Variants in ANOS1 observed in about 807,000 individuals in gnomAD.
The protein encoded by ANOS1 is anosmin 1, also known as anosmin-1.
In ANOS1, 6 loss-of-function variants were observed where a neutral mutation model predicts 59.0. The observed-to-expected ratio is 0.10, with a 90% CI of 0.06 to 0.20. The LOEUF is 0.20. Ranked by LOEUF, ANOS1 falls within the 10% of genes least tolerant of loss-of-function variation. ANOS1 has a pLI of 1.00. For missense variants in ANOS1, 433 were observed against 542.3 expected (o/e 0.80, Z 2.00); for synonymous variants, 217 against 223.4 (o/e 0.97, Z 0.25).
intron 2 of ANOS1, among the ~76,000 whole-genome samples, chrX:8,645,373 T>A (rs745469164): frequency 3.6e-5 from 4 of 111,842 alleles, no homozygotes; most frequent in Non-Finnish European, 7.5e-5. Context: ...GATTCTCAAC[T>A]TCACCTTTCT....
chrX:8,668,076 T>C (rs1932183327), intron 2 of ANOS1, among the ~76,000 whole-genome samples: 1 of 109,627 alleles, frequency 9.1e-6, no homozygotes, highest in South Asian at 4.0e-4. Context: ...CAGGTGGTAT[T>C]TGGTTACATG....
chrX:8,565,678 G>A (rs1288053390), intron 8 of ANOS1: 1 of 112,349 alleles, frequency 8.9e-6, no homozygotes, highest in Non-Finnish European at 1.9e-5. Context: ...AATTTCTGGA[G>A]AGAAAAAACA....
chrX:8,677,339 T>C (rs149911599), intron 2 of ANOS1, among the ~76,000 whole-genome samples: 1 of 111,964 alleles, frequency 8.9e-6, no homozygotes, highest in Non-Finnish European at 1.9e-5. Context: ...TCACCTCTGG[T>C]TGAAAACCAC....
chrX:8,577,669 T>G (rs1172275517), intron 6 of ANOS1, among the ~76,000 whole-genome samples: 1 of 112,369 alleles, frequency 8.9e-6, no homozygotes, highest in African/African-American at 3.2e-5. Flanking sequence ...GATGGAACAT[T>G]TGGATTTCAG....
intron 6 of ANOS1, among the ~76,000 whole-genome samples, chrX:8,571,329 T>C (rs892764825): frequency 5.4e-5 from 6 of 110,965 alleles, no homozygotes; most frequent in African/African-American, 2.0e-4. Context: ...TTTAGTAAAA[T>C]ATAGTACAAT....
At chrX:8,695,381 G>A (rs780393288) in intron 2 of ANOS1, among the ~76,000 whole-genome samples, 6 of 111,798 alleles carry the variant, frequency 5.4e-5, no homozygotes, top group East Asian at 2.8e-4. Context: ...TCAGTTTTGC[G>A]AACAGTTTAT....
At chrX:8,635,450 G>A (rs1317637845) in intron 2 of ANOS1, among the ~76,000 whole-genome samples, 1 of 111,603 alleles carries the variant, frequency 9.0e-6, no homozygotes, top group Non-Finnish European at 1.9e-5. Context: ...TTGGTGTTTT[G>A]CCAAGACAGA....
Position 8,554,090 on chromosome X carries a change from G to A in ANOS1, c.1216C>T (p.Leu406Phe). 1 of 1,202,772 alleles carries A rather than the reference G, an allele frequency of 8.3e-7. No individual in the cohort carries two copies. Among genetic ancestry groups the A allele is most frequent in the South Asian group, 1.8e-5 (1 of 56,623 alleles). ...STHATNNKEQ[L>F]VKTRKGGIQT... ...ATTCCACCTTTTCTAGTTTTCACAA[G>A]CTGTTCTTCTACAACAAAGTACAAC... Residue 406 changes from leucine (L) to phenylalanine (F), a missense_variant, in exon 9 of 14, where the codon CTT (leucine) becomes TTT (phenylalanine). Physicochemically the swap from Leu to Phe is conservative, Grantham distance 22. Coordinates refer to ENST00000262648, the MANE Select transcript of ANOS1 (RefSeq NM_000216.4).
chrX:8,579,243 C>T (rs1930380916), intron 6 of ANOS1, among the ~76,000 whole-genome samples: 1 of 111,734 alleles, frequency 8.9e-6, no homozygotes, highest in Admixed American at 9.5e-5. Flanking sequence ...TATTTGTAAC[C>T]CTGACTCCAA....
chrX:8,725,699 TATATATATACAGATATATATATATACAG>T (rs1569092403), intron 1 of ANOS1, among the ~76,000 whole-genome samples: 17 of 34,452 alleles, frequency 4.9e-4, no homozygotes, highest in Non-Finnish European at 7.1e-4. Flanking sequence ...TATATACAGA[TATATATATACAGATATATATATATACAG>T]ATATATATAT....
chrX:8,671,694 T>C (rs1158329843), intron 2 of ANOS1, among the ~76,000 whole-genome samples: 1 of 108,371 alleles, frequency 9.2e-6, no homozygotes, highest in Non-Finnish European at 1.9e-5. Context: ...AATAGTATAG[T>C]ATATATATAA....
At chrX:8,536,211 TTTTTTA>T (rs1239835791) in intron 11 of ANOS1, among the ~76,000 whole-genome samples, 26 of 74,615 alleles carry the variant, frequency 3.5e-4, no homozygotes, top group South Asian at 6.3e-4. Flanking sequence ...TTTTTTTTTT[TTTTTTA>T]AAAGGTGAGA....
rs1340512704 is a variant in ANOS1, at chrX:8,594,764, A to AT, written c.541+2269dup. On this transcript the variant is annotated intron_variant, in intron 4 of 13. Transcript: ENST00000262648. ...TATATATATATACATATATATATAT[A>AT]TATTTTTTTTTTGCAAAATAACAAT... Among the ~76,000 whole-genome samples the AT allele has an allele frequency of 6.7e-5, 5 of 74,517 alleles. 1 individual carries two copies. Among genetic ancestry groups the AT allele is most frequent in the African/African-American group, 2.0e-4 (4 of 19,917 alleles). The allele number at this position is 74,517 out of a possible 115,157, so 64.7% of individuals were successfully genotyped here.
chrX:8,659,446 CT>C (rs1267373762), intron 2 of ANOS1, among the ~76,000 whole-genome samples: 1 of 107,447 alleles, frequency 9.3e-6, no homozygotes, highest in African/African-American at 3.4e-5. Context: ...TTCTTCCTTC[CT>C]TTCCTCCCTC....
intron 3 of ANOS1, 56 bp downstream of exon 3, chrX:8,623,552 C>T (rs188020240): frequency 8.9e-6 from 8 of 899,093 alleles, no homozygotes; most frequent in Admixed American, 4.5e-5. Flanking sequence ...CATGACCCCA[C>T]GTAAGCATAG....
At chrX:8,683,595 G>T (rs1932460289) in intron 2 of ANOS1, among the ~76,000 whole-genome samples, 1 of 111,929 alleles carries the variant, frequency 8.9e-6, no homozygotes, top group African/African-American at 3.2e-5. Flanking sequence ...CAGAAACAAG[G>T]CAAGTAAAGA....
chrX:8,709,232 G>A lies in ANOS1; in HGVS notation c.208-9487C>T, dbSNP rs57941687. On this transcript the variant is annotated intron_variant, in intron 1 of 13. Transcript: ENST00000262648. ...GTAAACCTATGTAACAAACCTGAAA[G>A]TTCTGCACAGGTATCCCAGAACTTA... 5.3e-3 allele frequency among the ~76,000 whole-genome samples: 571 copies of A among 106,971 alleles called. 3 individuals are homozygous for A. The highest frequency in any genetic ancestry group is 0.018 in the African/African-American group (533 of 29,223). 92.9% of individuals were successfully genotyped at this position (106,971 alleles called of 115,157 possible). A position where few individuals can be genotyped will look rare whatever the true frequency, so the allele number is the denominator to read the frequency against.
chrX:8,667,514 T>C (rs1932167538), intron 2 of ANOS1, among the ~76,000 whole-genome samples: 1 of 111,345 alleles, frequency 9.0e-6, no homozygotes, highest in Admixed American at 9.6e-5. Context: ...GAGGAAACCA[T>C]CTCATCAAAT....
intron 3 of ANOS1, among the ~76,000 whole-genome samples, chrX:8,620,470 C>G (rs1389434037): frequency 9.0e-6 from 1 of 111,585 alleles, no homozygotes; most frequent in Non-Finnish European, 1.9e-5. Context: ...AAAGGGAAAG[C>G]TTAGAGTCAT....
Sources: allele counts gnomAD v4.1 joint callset (sites outside exome capture counted in the v4.1 genomes callset), GRCh38; gene constraint gnomAD v4.1.1; transcripts MANE v1.5; gene names NCBI Gene and HGNC (gene_info 2026-07-23, HGNC 2026-07-21).